INPP4B: variants seen among roughly 807,000 people sequenced by gnomAD.
INPP4B encodes the protein inositol polyphosphate 4-phosphatase type II.
INPP4B carries 55 observed loss-of-function variants against 122.5 expected under a neutral mutation model. The ratio of observed to expected loss-of-function variants is 0.45; its 90% CI spans 0.36 to 0.56. The LOEUF is 0.56. INPP4B is among the 20% of genes least tolerant of loss of function. The pLI is 0.00. For missense variants in INPP4B, 1,000 were observed against 1,097.7 expected, an observed-to-expected ratio of 0.91 and a Z score of 1.26; for synonymous variants, 403 against 388.7, an observed-to-expected ratio of 1.04 and a Z score of -0.43.
intron 5 of INPP4B, chr4:142,425,396 C>T (rs1339106876): frequency 6.6e-6 from 1 of 152,062 alleles, no homozygotes; most frequent in Non-Finnish European, 1.5e-5. Flanking sequence ...AATGGTCCTC[C>T]ACTATCTTGC....
intron 18 of INPP4B, among the ~76,000 whole-genome samples, chr4:142,127,353 T>C (rs1202847399): frequency 6.6e-6 from 1 of 152,194 alleles, no homozygotes; most frequent in Non-Finnish European, 1.5e-5. Context: ...AAAAAGTATT[T>C]AAAGGAGAAA....
intron 2 of INPP4B, among the ~76,000 whole-genome samples, chr4:142,609,713 T>C (rs1742063790): frequency 6.6e-6 from 1 of 152,210 alleles, no homozygotes; most frequent in South Asian, 2.1e-4. Flanking sequence ...ATCTGCTTAG[T>C]TGCACTTATT....
chr4:142,176,531 T>A (rs1317697987), intron 15 of INPP4B, among the ~76,000 whole-genome samples: 1 of 152,186 alleles, frequency 6.6e-6, no homozygotes, highest in East Asian at 1.9e-4. Context: ...TCAAATTCCC[T>A]GACAGTCTCC....
At chr4:142,533,586 T>C (rs1352196891) in intron 2 of INPP4B, among the ~76,000 whole-genome samples, 2 of 152,140 alleles carry the variant, frequency 1.3e-5, no homozygotes, top group Admixed American at 6.5e-5. Context: ...CAATTACTCA[T>C]CATAATTACT....
At chr4:142,834,851 A>T (rs577779938) in intron 1 of INPP4B, among the ~76,000 whole-genome samples, 2 of 152,216 alleles carry the variant, frequency 1.3e-5, no homozygotes, top group African/African-American at 2.4e-5. Context: ...GGGGCTTTTC[A>T]TCACTGCTAG....
At chr4:142,457,926 C>T (rs1024516876) in intron 3 of INPP4B, among the ~76,000 whole-genome samples, 2 of 152,168 alleles carry the variant, frequency 1.3e-5, no homozygotes, top group Non-Finnish European at 2.9e-5. Context: ...AAATTAAATA[C>T]ACACCTACAG....
intron 2 of INPP4B, among the ~76,000 whole-genome samples, chr4:142,559,855 T>A (rs1560800031): frequency 6.6e-6 from 1 of 152,158 alleles, no homozygotes; most frequent in Non-Finnish European, 1.5e-5. Flanking sequence ...ATCTTCTTCC[T>A]ATTATTATGT....
At position 142,028,863 on chromosome 4, in the gene INPP4B, A is replaced by ATACTT. The variant is rs1578656309; in HGVS notation, c.2689_2693dup (p.Tyr898Ter). 1.2e-6 allele frequency: 2 copies of ATACTT among 1,613,608 alleles called. No homozygotes were observed. Among genetic ancestry groups the ATACTT allele is most frequent in the East Asian group, 2.2e-5 (1 of 44,800 alleles). ...CCATCAGCTGTAGCATGTTGAAAGC[A>ATACTT]TACTTTCTGCATTTGATATTCTTCA... is the stretch of plus-strand genomic sequence containing the variant. On this transcript the variant is annotated stop_gained and frameshift_variant, in exon 26 of 26. Transcript: ENST00000262992. LOFTEE classifies it high-confidence loss of function.
At chr4:142,178,826 C>A (rs1829485853) in intron 15 of INPP4B, among the ~76,000 whole-genome samples, 2 of 79,698 alleles carry the variant, frequency 2.5e-5, no homozygotes, top group African/African-American at 4.5e-5. Flanking sequence ...AGCTCAAACC[C>A]TACTTGTAAA....
At chr4:142,442,900 A>G (rs1168661396) in intron 3 of INPP4B, among the ~76,000 whole-genome samples, 1 of 152,194 alleles carries the variant, frequency 6.6e-6, no homozygotes, top group African/African-American at 2.4e-5. Flanking sequence ...GGCAAAGAAG[A>G]AACAAAGGCA....
chr4:142,746,414 G>A (rs562930871), intron 1 of INPP4B, among the ~76,000 whole-genome samples: 1 of 152,130 alleles, frequency 6.6e-6, no homozygotes, highest in East Asian at 1.9e-4. Context: ...TCATGGATGG[G>A]AACAATCAAT....
intron 5 of INPP4B, among the ~76,000 whole-genome samples, chr4:142,428,152 T>C (rs1273933145): frequency 6.6e-6 from 1 of 151,520 alleles, no homozygotes; most frequent in Non-Finnish European, 1.5e-5. Context: ...AAATAAAATA[T>C]TTTCAGCAAA....
intron 25 of INPP4B, among the ~76,000 whole-genome samples, chr4:142,068,514 C>A (rs1254669159): frequency 1.3e-5 from 2 of 152,186 alleles, no homozygotes; most frequent in Non-Finnish European, 2.9e-5. Flanking sequence ...GCTAAATGCT[C>A]CAATTAAAAG....
chr4:142,166,840 T>A (rs1012525426), intron 16 of INPP4B, among the ~76,000 whole-genome samples: 5 of 151,946 alleles, frequency 3.3e-5, no homozygotes, highest in Non-Finnish European at 5.9e-5. Flanking sequence ...CACAATGAGA[T>A]ACTGTCTCAT....
chr4:142,029,471 A>T (rs1251911296), intron 25 of INPP4B: 5 of 985,790 alleles, frequency 5.1e-6, no homozygotes, highest in Non-Finnish European at 6.0e-6. Flanking sequence ...CACGGACAGT[A>T]CAAAAGTCAC....
At chr4:142,502,857 C>T (rs568669847) in intron 2 of INPP4B, among the ~76,000 whole-genome samples, 2 of 152,234 alleles carry the variant, frequency 1.3e-5, no homozygotes, top group East Asian at 3.9e-4. Flanking sequence ...ATTCTCCTTG[C>T]TCCATGCCTT....
intron 12 of INPP4B, among the ~76,000 whole-genome samples, chr4:142,225,882 A>T (rs1295377334): frequency 6.6e-6 from 1 of 152,152 alleles, no homozygotes; most frequent in Non-Finnish European, 1.5e-5. Context: ...GGAATTTATA[A>T]TTTTTTGATA....
intron 7 of INPP4B, among the ~76,000 whole-genome samples, chr4:142,338,099 T>C (rs1363728334): frequency 6.6e-6 from 1 of 152,166 alleles, no homozygotes; most frequent in African/African-American, 2.4e-5. Context: ...TTTAATACTC[T>C]TGGTATGTGT....
Position 142,472,251 on chromosome 4 carries a change from C to T in INPP4B, c.-190-9525G>A, listed in dbSNP as rs139574935. 3.3e-5 allele frequency among the ~76,000 whole-genome samples: 5 copies of T among 151,338 alleles called. No homozygotes were observed. In the East Asian group the frequency reaches 9.7e-4, roughly 29 times the overall value. ...TGAACAATTAATTTATCTTCAGTAG[C>T]TTATAGCATCAAATGAAAAAAATGC... On this transcript the variant is annotated intron_variant, in intron 2 of 25. Coordinates refer to ENST00000262992, the MANE Select transcript of INPP4B (RefSeq NM_001101669.3).
Sources: allele counts gnomAD v4.1 joint callset (sites outside exome capture counted in the v4.1 genomes callset), GRCh38; gene constraint gnomAD v4.1.1; transcripts MANE v1.5; gene names NCBI Gene and HGNC (gene_info 2026-07-23, HGNC 2026-07-21).